MPPED2: variants seen among roughly 807,000 people sequenced by gnomAD.
MPPED2 encodes metallophosphoesterase MPPED2.
A neutral mutation model predicts 33.0 loss-of-function variants in MPPED2; 5 were observed. The ratio of observed to expected loss-of-function variants is 0.15; its 90% CI spans 0.08 to 0.32. MPPED2 has a LOEUF of 0.32. MPPED2 is among the 10% of genes least tolerant of loss of function. The pLI is 1.00. For synonymous variants in MPPED2, 136 were observed against 141.9 expected (o/e 0.96, Z 0.29); for missense variants, 275 against 372.1 (o/e 0.74, Z 2.15).
intron 3 of MPPED2, chr11:30,504,723 C>T (rs893168116): frequency 3.4e-5 from 43 of 1,248,596 alleles, no homozygotes; most frequent in Non-Finnish European, 4.5e-5. Context: ...ACAGCTCTAA[C>T]GTTAATACTC....
At chr11:30,407,604 G>A (rs958437626), downstream of MPPED2, among the ~76,000 whole-genome samples, 1 of 152,224 alleles carries the variant, frequency 6.6e-6, no homozygotes, top group African/African-American at 2.4e-5. Flanking sequence ...AGGGACGGTG[G>A]CTCAGGCCAG....
chr11:30,386,476 G>C (rs1441872342), exon 7 of MPPED2: 8 of 337,834 alleles, frequency 2.4e-5, no homozygotes, highest in South Asian at 1.5e-4. Context: ...TAAGCTGTAA[G>C]CCTTGGCAGC....
intron 4 of MPPED2, among the ~76,000 whole-genome samples, chr11:30,421,107 A>G (rs1948591892): frequency 1.3e-5 from 2 of 152,196 alleles, no homozygotes; most frequent in South Asian, 2.1e-4. Context: ...TAGTTGTTAC[A>G]ACGAGGAGAT....
At chr11:30,477,043 A>G (rs547067515) in intron 4 of MPPED2, among the ~76,000 whole-genome samples, 1 of 152,230 alleles carries the variant, frequency 6.6e-6, no homozygotes, top group Non-Finnish European at 1.5e-5. Flanking sequence ...ATGAAAACAT[A>G]CAATTGGTTT....
chr11:30,450,670 A>G (rs2133946792), intron 4 of MPPED2, among the ~76,000 whole-genome samples: 1 of 152,338 alleles, frequency 6.6e-6, no homozygotes, highest in East Asian at 1.9e-4. Flanking sequence ...ATAGCTGCAT[A>G]TGTGAACTTC....
chr11:30,481,790 T>C (rs909688219), intron 4 of MPPED2, among the ~76,000 whole-genome samples: 3 of 152,138 alleles, frequency 2.0e-5, no homozygotes, highest in African/African-American at 7.2e-5. Flanking sequence ...GCCATCTAAG[T>C]TCTTCTATCT....
chr11:30,437,013 T>G (rs1035978488), intron 4 of MPPED2, among the ~76,000 whole-genome samples: 3 of 152,164 alleles, frequency 2.0e-5, no homozygotes, highest in African/African-American at 7.2e-5. Flanking sequence ...GGGCTGGCTG[T>G]GGGAGGGGCA....
chr11:30,582,589 C>A (rs1957218658), intron 1 of MPPED2, among the ~76,000 whole-genome samples: 1 of 152,068 alleles, frequency 6.6e-6, no homozygotes, highest in South Asian at 2.1e-4. Context: ...CAAATGTGGC[C>A]TAGAAATAAA....
chr11:30,473,215 T>A (rs920985436), intron 4 of MPPED2, among the ~76,000 whole-genome samples: 3 of 152,210 alleles, frequency 2.0e-5, no homozygotes, highest in African/African-American at 7.2e-5. Context: ...AATACAAGCC[T>A]TGGCATGTAT....
At chr11:30,562,464 G>A (rs771823756) in intron 2 of MPPED2, among the ~76,000 whole-genome samples, 12 of 152,230 alleles carry the variant, frequency 7.9e-5, no homozygotes, top group East Asian at 3.9e-4. Context: ...CTTCTTTCAC[G>A]TTTGGGAGAA....
intron 4 of MPPED2, among the ~76,000 whole-genome samples, chr11:30,440,722 T>C (rs1949533346): frequency 6.6e-6 from 1 of 152,184 alleles, no homozygotes; most frequent in Non-Finnish European, 1.5e-5. Flanking sequence ...ACACGTTCAT[T>C]TCACTCAATA....
At chr11:30,561,043 A>G (rs1205086692) in intron 2 of MPPED2, among the ~76,000 whole-genome samples, 1 of 152,198 alleles carries the variant, frequency 6.6e-6, no homozygotes, top group Non-Finnish European at 1.5e-5. Flanking sequence ...ACATGCAAAC[A>G]TGTCCAATGT....
intron 2 of MPPED2, among the ~76,000 whole-genome samples, chr11:30,577,619 T>G (rs1401103764): frequency 6.6e-6 from 1 of 152,168 alleles, no homozygotes; most frequent in Admixed American, 6.5e-5. Flanking sequence ...TTTTGTTTCT[T>G]AACATAACAG....
chr11:30,426,033 T>C (rs945199655), intron 4 of MPPED2, among the ~76,000 whole-genome samples: 7 of 152,224 alleles, frequency 4.6e-5, no homozygotes, highest in African/African-American at 1.7e-4. Flanking sequence ...TAGCAGTAAG[T>C]ATTAGGTTGG....
intron 4 of MPPED2, among the ~76,000 whole-genome samples, chr11:30,423,532 C>T (rs571440399): frequency 1.6e-4 from 25 of 151,944 alleles, no homozygotes; most frequent in Admixed American, 3.9e-4. Context: ...GTTAGCGTAA[C>T]GAGCACCTGC....
chr11:30,422,374 G>A (rs1948651412), intron 4 of MPPED2, among the ~76,000 whole-genome samples: 1 of 152,098 alleles, frequency 6.6e-6, no homozygotes, highest in South Asian at 2.1e-4. Flanking sequence ...ATAGTTCTGT[G>A]CAGATTATCC....
chr11:30,455,027 A>G (rs562759915), intron 4 of MPPED2, among the ~76,000 whole-genome samples: 7 of 152,350 alleles, frequency 4.6e-5, no homozygotes, highest in African/African-American at 1.7e-4. Flanking sequence ...CTCTGATTTA[A>G]TTCCACACCA....
At chr11:30,512,114 G>C (rs1354212955) in intron 3 of MPPED2, among the ~76,000 whole-genome samples, 1 of 152,160 alleles carries the variant, frequency 6.6e-6, no homozygotes, top group Non-Finnish European at 1.5e-5. Flanking sequence ...ACACCAAATA[G>C]GCAGTAGTAA....
chr11:30,498,547 CAAAAA>C (rs3062014), intron 3 of MPPED2, among the ~76,000 whole-genome samples: 2 of 124,344 alleles, frequency 1.6e-5, no homozygotes, highest in African/African-American at 2.8e-5. Flanking sequence ...AAACTTGTCT[CAAAAA>C]AAAAAAAAAA....
Sources: allele counts gnomAD v4.1 joint callset (sites outside exome capture counted in the v4.1 genomes callset), GRCh38; gene constraint gnomAD v4.1.1; transcripts MANE v1.5; gene names NCBI Gene and HGNC (gene_info 2026-07-23, HGNC 2026-07-21).